Variants in BORCS8 observed in about 807,000 individuals in gnomAD.
BORCS8 encodes BLOC-1 related complex subunit 8.
A neutral mutation model predicts 18.7 loss-of-function variants in BORCS8; 13 were observed. That is an observed-to-expected ratio of 0.70 (90% CI 0.45 to 1.11). The LOEUF (loss-of-function observed/expected upper bound fraction) is 1.11, where lower values mean the gene tolerates loss of function less well. BORCS8 is among the 50% of genes least tolerant of loss of function. BORCS8 has a pLI of 0.00. For missense variants in BORCS8, 165 were observed against 165.7 expected (o/e 1.00, Z 0.02); for synonymous variants, 68 against 64.8 (o/e 1.05, Z -0.24).
chr19:19,182,680 G>A lies in BORCS8; in HGVS notation c.219C>T (p.Ala73=), dbSNP rs762758667. The part of the protein sequence containing the change: ...AIYTVEYACS[A]VKNLVDSSVY... The stretch of plus-strand genomic sequence containing the variant: ...CGCTGCTGTCCACCAGGTTCTTCAC[G>A]GCGCTGAAACGGGAGGACAGGCCTG... Residue 73 remains alanine (A), a synonymous_variant, in exon 4 of 6, where the codon GCC becomes GCT. Transcript: ENST00000462790. The surrounding 1 kb of genome is among the most constrained non-coding windows in gnomAD (Gnocchi z 4.1). 54 of 1,550,104 alleles carry A rather than the reference G, an allele frequency of 3.5e-5. No homozygotes were observed. The highest frequency in any genetic ancestry group is 3.3e-4 in the Middle Eastern group (2 of 6,014).
chr19:19,186,871 C>G, intron 2 of BORCS8, 22 bp downstream of exon 2: 1 of 1,489,994 alleles, frequency 6.7e-7, no homozygotes, highest in East Asian at 2.5e-5. Context: ...GCCCCTGCTC[C>G]TCCCAGCAGG....
At chr19:19,187,089 A>ATGCCCCCTTTGCTCTGGCTG in intron 1 of BORCS8, 84 bp from the exon 2 acceptor site, 3 of 1,053,846 alleles carry the variant, frequency 2.8e-6, no homozygotes, top group Non-Finnish European at 4.2e-6. Context: ...GCCCAGCCAG[A>ATGCCCCCTTTGCTCTGGCTG]GCAAAGGGGG....
chr19:19,185,591 C>T (rs2060399127), intron 3 of BORCS8, among the ~76,000 whole-genome samples: 1 of 152,186 alleles, frequency 6.6e-6, no homozygotes, highest in Non-Finnish European at 1.5e-5. Context: ...GAGGCTGAAG[C>T]GGGAGAACTG....
chr19:19,183,270 C>T (rs1267994954), intron 3 of BORCS8, among the ~76,000 whole-genome samples: 1 of 151,920 alleles, frequency 6.6e-6, no homozygotes, highest in African/African-American at 2.4e-5. Flanking sequence ...ATTAGCCGGG[C>T]GTGGTGGCGG....
intron 1 of BORCS8, among the ~76,000 whole-genome samples, chr19:19,189,492 T>C (rs796944366): frequency 2.6e-5 from 4 of 152,174 alleles, no homozygotes; most frequent in African/African-American, 9.7e-5. Context: ...CCGCCTTTCT[T>C]GCCCTGCATG....
chr19:19,177,697 A>AAAAG (rs1568562053), intron 5 of BORCS8: 2 of 21,768 alleles, frequency 9.2e-5, no homozygotes, highest in Admixed American at 7.2e-4. Flanking sequence ...AGGAAGGAAG[A>AAAAG]GAAAAGAAAA....
chr19:19,188,903 C>T (rs931141542), intron 1 of BORCS8, among the ~76,000 whole-genome samples: 3 of 151,718 alleles, frequency 2.0e-5, no homozygotes, highest in Non-Finnish European at 2.9e-5. Flanking sequence ...AGTGTAATCT[C>T]GGCTCACTGC....
At chr19:19,189,327 T>C (rs577062294) in intron 1 of BORCS8, among the ~76,000 whole-genome samples, 1 of 152,200 alleles carries the variant, frequency 6.6e-6, no homozygotes, top group Non-Finnish European at 1.5e-5. Flanking sequence ...CCTGCCTGGA[T>C]GCCAGATCCA....
intron 1 of BORCS8, among the ~76,000 whole-genome samples, chr19:19,189,601 G>A (rs1377302557): frequency 5.9e-5 from 9 of 152,168 alleles, no homozygotes; most frequent in African/African-American, 1.4e-4. Flanking sequence ...TGCCCGAGAG[G>A]ACAAGGTAGG....
At chr19:19,187,192 T>C (rs2060417934) in intron 1 of BORCS8, among the ~76,000 whole-genome samples, 187 bp from the exon 2 acceptor site, 2 of 152,262 alleles carry the variant, frequency 1.3e-5, no homozygotes, top group South Asian at 2.1e-4. Context: ...AGGACATTAA[T>C]GAGACCGGGT....
intron 1 of BORCS8, among the ~76,000 whole-genome samples, chr19:19,190,831 G>A (rs924598641): frequency 1.3e-5 from 2 of 152,138 alleles, no homozygotes; most frequent in African/African-American, 2.4e-5. Flanking sequence ...AACAGACAAG[G>A]CACGGTGGCT....
intron 5 of BORCS8, chr19:19,178,919 C>G (rs1201633370): frequency 1.3e-5 from 2 of 150,352 alleles, no homozygotes; most frequent in Non-Finnish European, 3.0e-5. Flanking sequence ...GAGATCGCAC[C>G]ACCGCACTCT....
intron 5 of BORCS8, 68 bp downstream of exon 5, chr19:19,180,618 G>C: frequency 9.0e-7 from 1 of 1,110,176 alleles, no homozygotes; most frequent in Non-Finnish European, 1.3e-6. Context: ...TGCCTGCCTG[G>C]CTGCCAAGCG....
chr19:19,189,648 G>A (rs535959420), intron 1 of BORCS8, among the ~76,000 whole-genome samples: 4 of 152,274 alleles, frequency 2.6e-5, no homozygotes, highest in Admixed American at 2.0e-4. Context: ...GACCAACGCC[G>A]GGTGCGGTGG....
chr19:19,184,041 C>T (rs1010664347), intron 3 of BORCS8, among the ~76,000 whole-genome samples: 3 of 151,780 alleles, frequency 2.0e-5, no homozygotes, highest in African/African-American at 7.3e-5. Context: ...CACCACCACA[C>T]CTGGCTAATT....
intron 5 of BORCS8, chr19:19,178,484 C>G (rs1008832170): frequency 6.6e-6 from 1 of 152,480 alleles, no homozygotes. Context: ...GGTGGGAATC[C>G]TGGCATTTCT....
intron 3 of BORCS8, among the ~76,000 whole-genome samples, chr19:19,184,303 TTC>T (rs1401552436): frequency 1.8e-5 from 2 of 110,564 alleles, no homozygotes; most frequent in Admixed American, 9.8e-5. Flanking sequence ...TTTTTTTCCT[TTC>T]TTTTTTTTTT....
Position 19,182,831 on chromosome 19 carries a change from G to T in BORCS8, c.216-148C>A. The T allele has an allele frequency of 9.7e-7, 1 of 1,034,156 alleles. No individual in the cohort carries two copies. Among genetic ancestry groups the T allele is most frequent in the Non-Finnish European group, 1.4e-6 (1 of 737,000 alleles). The allele number at this position is 1,034,156 out of a possible 1,614,324, so 64.1% of individuals were successfully genotyped here. The stretch of plus-strand genomic sequence containing the variant: ...GGACTCACAGTGGGCTTACATTTTA[G>T]ATTTCCCTGCTATGACTAGATGACA... On this transcript the variant is annotated intron_variant, in intron 3 of 5. Transcript: ENST00000462790. The surrounding 1 kb of genome is among the most constrained non-coding windows in gnomAD (Gnocchi z 4.1).
intron 1 of BORCS8, among the ~76,000 whole-genome samples, chr19:19,190,744 C>T (rs1337909084): frequency 6.6e-6 from 1 of 152,110 alleles, no homozygotes; most frequent in East Asian, 1.9e-4. Flanking sequence ...GCCATGATCA[C>T]GCCATTGCAC....
Sources: gnomAD v4.1 joint callset for allele counts (sites outside exome capture counted in the v4.1 genomes callset) on GRCh38, gnomAD v4.1.1 for gene constraint, Gnocchi (gnomAD v3.1) non-coding constraint, MANE v1.5 for transcripts, NCBI Gene and HGNC (gene_info 2026-07-23, HGNC 2026-07-21) for gene names.